Variants in TYW1 observed in about 807,000 individuals in gnomAD.
TYW1 encodes tRNA-yW synthesizing protein 1 homolog.
TYW1 carries 46 observed loss-of-function variants against 96.2 expected under a neutral mutation model. That is an observed-to-expected ratio of 0.48 (90% CI 0.38 to 0.61). The LOEUF (loss-of-function observed/expected upper bound fraction) is 0.61, where lower values mean the gene tolerates loss of function less well. TYW1 is among the 20% of genes least tolerant of loss of function. The pLI is 0.00. For synonymous variants in TYW1, 274 were observed against 323.0 expected (o/e 0.85, Z 1.63); for missense variants, 684 against 909.6 (o/e 0.75, Z 3.19).
intron 7 of TYW1, among the ~76,000 whole-genome samples, chr7:67,045,557 A>G (rs1279142174): frequency 6.6e-6 from 1 of 152,196 alleles, no homozygotes; most frequent in Non-Finnish European, 1.5e-5. Context: ...AACAAAAAAC[A>G]TTAGCACCAC....
intron 3 of TYW1, 22 bp downstream of exon 3, chr7:66,998,976 T>C (rs1214667327): frequency 2.5e-6 from 4 of 1,612,230 alleles, no homozygotes. Context: ...ATATGATGCT[T>C]TTCCTTTGGT....
intron 3 of TYW1, among the ~76,000 whole-genome samples, chr7:67,007,574 T>C (rs1793643521): frequency 6.6e-6 from 1 of 152,166 alleles, no homozygotes; most frequent in African/African-American, 2.4e-5. Context: ...AGGGGACGAA[T>C]ATCCAAACCG....
intron 11 of TYW1, among the ~76,000 whole-genome samples, chr7:67,092,578 G>A (rs1796757384): frequency 6.6e-6 from 1 of 151,050 alleles, no homozygotes; most frequent in South Asian, 2.1e-4. Context: ...ATCCTGACCA[G>A]CCTGATTGAC....
Position 67,117,333 on chromosome 7 carries a change from C to T in TYW1, c.1563-150C>T, listed in dbSNP as rs1797625748. On this transcript the variant is annotated intron_variant, in intron 12 of 15. Transcript: ENST00000359626. The stretch of plus-strand genomic sequence containing the variant: ...TCCCATTTTGTCACATGATTAAAAT[C>T]ATTAGTTCAGTCTTTTGGGGGAAGT... 7 of 798,106 alleles carry T rather than the reference C, an allele frequency of 8.8e-6. No individual in the cohort carries two copies. The Admixed American group carries it at 2.6e-4, about 30-fold the overall frequency. The allele number at this position is 798,106 out of a possible 1,614,324, so 49.4% of individuals were successfully genotyped here.
chr7:67,008,845 A>G (rs995724822), intron 3 of TYW1, among the ~76,000 whole-genome samples: 17 of 151,900 alleles, frequency 1.1e-4, no homozygotes, highest in African/African-American at 4.1e-4. Flanking sequence ...TATTTTTAGT[A>G]GAGACGGGGT....
intron 9 of TYW1, among the ~76,000 whole-genome samples, chr7:67,058,874 G>A (rs1295452743): frequency 1.3e-5 from 2 of 152,022 alleles, no homozygotes; most frequent in African/African-American, 4.8e-5. Context: ...TCCCACCTCT[G>A]CCAATATGGA....
At chr7:67,237,239 G>A (rs1801916953) in intron 15 of TYW1, among the ~76,000 whole-genome samples, 2 of 105,620 alleles carry the variant, frequency 1.9e-5, no homozygotes, top group South Asian at 3.0e-4. Flanking sequence ...GGTGGCTCAC[G>A]CCTGTAATCC....
At chr7:67,145,275 T>C (rs796822935) in intron 13 of TYW1, among the ~76,000 whole-genome samples, 1 of 150,080 alleles carries the variant, frequency 6.7e-6, no homozygotes, top group Non-Finnish European at 1.5e-5. Flanking sequence ...CAGCCTCCCG[T>C]GTAGCTGGGA....
chr7:67,001,880 A>C (rs1167307229), intron 3 of TYW1, among the ~76,000 whole-genome samples: 3 of 151,838 alleles, frequency 2.0e-5, no homozygotes, highest in African/African-American at 7.2e-5. Context: ...TAAAAATACA[A>C]AAAATTAGCT....
chr7:67,042,636 G>A (rs1328740793), intron 7 of TYW1, among the ~76,000 whole-genome samples: 4 of 152,148 alleles, frequency 2.6e-5, no homozygotes, highest in Non-Finnish European at 5.9e-5. Context: ...GGGAGGCAAT[G>A]TGATTTGATT....
intron 13 of TYW1, among the ~76,000 whole-genome samples, chr7:67,122,016 T>C (rs570352365): frequency 1.3e-5 from 2 of 150,236 alleles, no homozygotes; most frequent in Admixed American, 6.6e-5. Flanking sequence ...AAAAGAGAAA[T>C]ATATCTTATA....
intron 15 of TYW1, among the ~76,000 whole-genome samples, chr7:67,203,483 A>G (rs1362334105): frequency 6.6e-6 from 1 of 152,212 alleles, no homozygotes; most frequent in Non-Finnish European, 1.5e-5. Context: ...TACATTATGC[A>G]TATATAATAT....
At chr7:67,223,236 C>A (rs1801454768) in intron 15 of TYW1, among the ~76,000 whole-genome samples, 1 of 152,136 alleles carries the variant, frequency 6.6e-6, no homozygotes. Flanking sequence ...ATCACTGTTT[C>A]TTTGTGTGCC....
chr7:67,106,204 A>G (rs1463839870), intron 12 of TYW1, among the ~76,000 whole-genome samples: 1 of 152,212 alleles, frequency 6.6e-6, no homozygotes, highest in Non-Finnish European at 1.5e-5. Flanking sequence ...GCTGGAGAGA[A>G]TATTCATGTA....
intron 12 of TYW1, among the ~76,000 whole-genome samples, chr7:67,104,390 G>T (rs972621938): frequency 3.9e-5 from 6 of 152,304 alleles, no homozygotes; most frequent in African/African-American, 1.4e-4. Flanking sequence ...AGGAGGAAGA[G>T]AATGAAGGGG....
At chr7:67,146,338 C>G (rs1798610230) in intron 13 of TYW1, among the ~76,000 whole-genome samples, 1 of 152,068 alleles carries the variant, frequency 6.6e-6, no homozygotes, top group Non-Finnish European at 1.5e-5. Flanking sequence ...TTAAAAAGAT[C>G]TGAACTGTCC....
At chr7:67,130,266 A>C (rs951703335) in intron 13 of TYW1, among the ~76,000 whole-genome samples, 1 of 151,986 alleles carries the variant, frequency 6.6e-6, no homozygotes, top group Non-Finnish European at 1.5e-5. Context: ...CTGTAATCCC[A>C]GCTACTCGGG....
At chr7:67,210,383 C>T (rs1448602869) in intron 15 of TYW1, among the ~76,000 whole-genome samples, 2 of 152,100 alleles carry the variant, frequency 1.3e-5, no homozygotes, top group African/African-American at 2.4e-5. Context: ...ATGCTGACCT[C>T]GATCCTCCAA....
At chr7:67,204,917 T>A (rs1800732203) in intron 15 of TYW1, among the ~76,000 whole-genome samples, 1 of 152,304 alleles carries the variant, frequency 6.6e-6, no homozygotes, top group East Asian at 1.9e-4. Context: ...CGTTTTTAAT[T>A]GCCCATTGAA....
Sources: allele counts gnomAD v4.1 joint callset (sites outside exome capture counted in the v4.1 genomes callset), GRCh38; gene constraint gnomAD v4.1.1; transcripts MANE v1.5; gene names NCBI Gene and HGNC (gene_info 2026-07-23, HGNC 2026-07-21).